VWA2: variants seen among roughly 807,000 people sequenced by gnomAD.
The protein encoded by VWA2 is von Willebrand factor A domain containing 2.
VWA2 carries 73 observed loss-of-function variants against 70.4 expected under a neutral mutation model. That is an observed-to-expected ratio of 1.04 (90% CI 0.86 to 1.26). VWA2 has a LOEUF of 1.26. Ranked by LOEUF, VWA2 falls within the 50% of genes most tolerant of loss-of-function variation. VWA2 has a pLI of 0.00. For synonymous variants in VWA2, 407 were observed against 423.3 expected (o/e 0.96, Z 0.47); for missense variants, 1,011 against 998.5 (o/e 1.01, Z -0.17).
chr10:114,247,280 AGGCCTGGTTG>A (rs1035522303), intron 1 of VWA2, among the ~76,000 whole-genome samples: 1 of 152,124 alleles, frequency 6.6e-6, no homozygotes, highest in African/African-American at 2.4e-5. Flanking sequence ...GCACCCCGGT[AGGCCTGGTTG>A]GGTTTCTAGT....
At chr10:114,266,064 G>A (rs935709872) in intron 5 of VWA2, among the ~76,000 whole-genome samples, 25 of 152,162 alleles carry the variant, frequency 1.6e-4, no homozygotes, top group African/African-American at 3.9e-4. Flanking sequence ...TTGGGAGGCC[G>A]AGGTGGGCAG....
At chr10:114,247,498 C>T (rs1046758682) in intron 1 of VWA2, among the ~76,000 whole-genome samples, 3 of 152,092 alleles carry the variant, frequency 2.0e-5, no homozygotes, top group South Asian at 2.1e-4. Flanking sequence ...ACTGTTTCAC[C>T]GTGTTGGCCA....
At chr10:114,283,030 A>G (rs1424826081) in intron 9 of VWA2, among the ~76,000 whole-genome samples, 3 of 152,216 alleles carry the variant, frequency 2.0e-5, no homozygotes, top group Admixed American at 2.0e-4. Flanking sequence ...GTAATCCCTC[A>G]GCTGTAAAAT....
rs1262269340 is a variant in VWA2 at position 114,292,183 on chromosome 10, A to G, written c.*946A>G. 6.6e-6 allele frequency among the ~76,000 whole-genome samples: 1 copy of G among 152,088 alleles called. No individual in the cohort carries two copies. The highest frequency in any genetic ancestry group is 2.4e-5 in the African/African-American group (1 of 41,420). On this transcript the variant is annotated 3_prime_UTR_variant, in exon 14 of 14. Transcript: ENST00000392982. ...TCCCAGCTACTCGGGAGGCTGAGACAGGAGAATGGCTTGAACCTGGGAGGC... is the reference window on the plus strand; with the variant it reads ...TCCCAGCTACTCGGGAGGCTGAGACGGGAGAATGGCTTGAACCTGGGAGGC...
In VWA2 at chr10:114,284,866, C is replaced by A. The variant is rs1428003326; in HGVS notation, c.893C>A (p.Pro298His). 7.5e-6 allele frequency: 12 copies of A among 1,607,722 alleles called. No homozygotes were observed. The highest frequency in any genetic ancestry group is 9.3e-6 in the Non-Finnish European group (11 of 1,177,688). ...TTAATGGGCATCTCTCTGATAGGCC[C>A]CTGTGACTCGCAGCCCTGCCAGAAT... Reference protein sequence around the residue: ...ATCYRTTCPGPCDSQPCQNGG... With the variant: ...ATCYRTTCPGHCDSQPCQNGG... The change falls in exon 10 of 14, where the codon CCC becomes CAC. Residue 298 changes from proline (P) to histidine (H), a missense_variant. Pro to His is a moderately conservative substitution (Grantham distance 77). Coordinates refer to ENST00000392982, the MANE Select transcript of VWA2 (RefSeq NM_001272046.2).
In VWA2 at chr10:114,243,934, G is replaced by A. The variant is rs1015103172; in HGVS notation, c.-11+4365G>A. Among the ~76,000 whole-genome samples, 8 of 152,326 alleles carry A rather than the reference G, an allele frequency of 5.3e-5. 1 individual carries two copies. Among genetic ancestry groups the A allele is most frequent in the Admixed American group, 5.2e-4 (8 of 15,308 alleles). ...CTGTTGAGGAGATCAGGGGCGTGGA[G>A]AGCATCTACATCCATGGATGAGAAC... On this transcript the variant is annotated intron_variant, in intron 1 of 13. Transcript: ENST00000392982.
intron 4 of VWA2, among the ~76,000 whole-genome samples, chr10:114,255,833 G>A (rs1364465485): frequency 6.6e-6 from 1 of 151,848 alleles, no homozygotes; most frequent in Non-Finnish European, 1.5e-5. Flanking sequence ...CCCAGAAAAT[G>A]AAACACGCAA....
chr10:114,250,750 A>G (rs1462233702), intron 2 of VWA2, among the ~76,000 whole-genome samples: 1 of 152,190 alleles, frequency 6.6e-6, no homozygotes, highest in African/African-American at 2.4e-5. Context: ...CAGCAGCTTC[A>G]TGGCCAAGGG....
intron 13 of VWA2, among the ~76,000 whole-genome samples, chr10:114,290,653 C>T (rs558476325): frequency 1.4e-4 from 21 of 152,242 alleles, no homozygotes; most frequent in East Asian, 9.7e-4. Flanking sequence ...GTGTGGTAGA[C>T]GGTGCTAAGC....
rs201394268 is a variant in VWA2 at position 114,286,350 on chromosome 10, C to T, written c.1409C>T (p.Ala470Val). 95 of 1,613,436 alleles carry T rather than the reference C, an allele frequency of 5.9e-5. 1 individual carries two copies. Among genetic ancestry groups the T allele is most frequent in the South Asian group, 1.5e-4 (14 of 91,040 alleles). Residue 470 changes from alanine to valine, a missense_variant, in exon 11 of 14, where the codon GCG becomes GTG. Ala to Val is a moderately conservative substitution (Grantham distance 64, BLOSUM62 0). Transcript: ENST00000392982. ...GCGGGCCCAGCGCGTCACGCAAGGG[C>T]GCGAGAGCTGCTCCTGCTGGGTGTA... ...EVAGPARHARARELLLLGVGS... is the reference protein window; with the variant it reads ...EVAGPARHARVRELLLLGVGS...
chr10:114,289,442 C>A lies in VWA2; in HGVS notation c.2075C>A (p.Ala692Asp). ...RDSLIHVAAY[A>D]DLRYHQDVLI... ...TCCCTGATCCACGTGGCAGCTTACG[C>A]CGACCTGCGGTACCACCAGGACGTG... The change falls in exon 12 of 14, where the codon GCC becomes GAC. Residue 692 changes from alanine (A) to aspartate (D), a missense_variant. Transcript: ENST00000392982. 4 of 1,614,154 alleles carry A rather than the reference C, an allele frequency of 2.5e-6. No homozygotes were observed. The highest frequency in any genetic ancestry group is 3.4e-6 in the Non-Finnish European group (4 of 1,180,036).
chr10:114,253,029 G>GCTT (rs1474937634), intron 2 of VWA2, among the ~76,000 whole-genome samples: 1 of 151,216 alleles, frequency 6.6e-6, no homozygotes, highest in Non-Finnish European at 1.5e-5. Flanking sequence ...CCTCTCTTCT[G>GCTT]CTGCTAGACA....
intron 5 of VWA2, among the ~76,000 whole-genome samples, chr10:114,269,868 C>A (rs2037669290): frequency 6.6e-6 from 1 of 152,200 alleles, no homozygotes; most frequent in Non-Finnish European, 1.5e-5. Flanking sequence ...ATAGGGCTCA[C>A]TGGCCAGTGG....
chr10:114,263,614 G>A (rs1157031325), intron 5 of VWA2, among the ~76,000 whole-genome samples: 1 of 152,110 alleles, frequency 6.6e-6, no homozygotes, highest in Non-Finnish European at 1.5e-5. Flanking sequence ...TGGGATTACA[G>A]GTGTGAGCCA....
chr10:114,250,470 C>G (rs1034556999), intron 2 of VWA2, among the ~76,000 whole-genome samples: 1 of 152,204 alleles, frequency 6.6e-6, no homozygotes, highest in Non-Finnish European at 1.5e-5. Context: ...GTCACAGCCT[C>G]GTGAGGCTCG....
intron 3 of VWA2, among the ~76,000 whole-genome samples, chr10:114,254,124 T>C (rs2037268266): frequency 6.6e-6 from 1 of 151,432 alleles, no homozygotes; most frequent in South Asian, 2.1e-4. Flanking sequence ...CAGGCTGGAG[T>C]GCGATGGCAT....
intron 2 of VWA2, among the ~76,000 whole-genome samples, chr10:114,249,907 C>T (rs112972520): frequency 9.8e-5 from 15 of 152,294 alleles, no homozygotes; most frequent in African/African-American, 3.4e-4. Context: ...GTCCCCTCTA[C>T]GCCCTCTGCA....
rs1264001878 is a variant in VWA2 at position 114,286,015 on chromosome 10, C to T, written c.1074C>T (p.Gly358=). Residue 358 remains glycine (G), a synonymous_variant, in exon 11 of 14, where the codon GGC becomes GGT. Coordinates refer to ENST00000392982, the MANE Select transcript of VWA2 (RefSeq NM_001272046.2). ...GCTCTGCGGGCACCACTCTGGACGG[C>T]TTCCTGCGGGCCAAAGTCTTCGTGA... ...LDSSAGTTLD[G]FLRAKVFVKR... is the part of the protein sequence containing the mutation. 1.2e-6 allele frequency: 2 copies of T among 1,614,130 alleles called. No individual in the cohort carries two copies. The highest frequency in any genetic ancestry group is 1.1e-5 in the South Asian group (1 of 91,064).
intron 1 of VWA2, among the ~76,000 whole-genome samples, chr10:114,241,462 G>A (rs2036972667): frequency 6.6e-6 from 1 of 152,092 alleles, no homozygotes; most frequent in South Asian, 2.1e-4. Flanking sequence ...CATGTAGTAC[G>A]TAGCTTTCTC....
Sources: allele counts gnomAD v4.1 joint callset (sites outside exome capture counted in the v4.1 genomes callset), GRCh38; gene constraint gnomAD v4.1.1; transcripts MANE v1.5; gene names NCBI Gene and HGNC (gene_info 2026-07-23, HGNC 2026-07-21).